AGBL1: variants seen among roughly 807,000 people sequenced by gnomAD.
AGBL1 encodes the protein cytosolic carboxypeptidase 4.
A neutral mutation model predicts 118.9 loss-of-function variants in AGBL1; 130 were observed. The observed-to-expected ratio is 1.09, with a 90% confidence interval of 0.95 to 1.26. The LOEUF (loss-of-function observed/expected upper bound fraction) is 1.26. Ranked by LOEUF, AGBL1 falls within the 50% of genes most tolerant of loss-of-function variation. The pLI, the probability that AGBL1 is intolerant of heterozygous loss-of-function variation, is 0.00. For missense variants in AGBL1, 1,584 were observed against 1,298.1 expected (o/e 1.22, Z -3.38); for synonymous variants, 555 against 478.9 (o/e 1.16, Z -2.08).
At chr15:86,753,224 T>G (rs542407272) in intron 22 of AGBL1, among the ~76,000 whole-genome samples, 1 of 151,864 alleles carries the variant, frequency 6.6e-6, no homozygotes, top group South Asian at 2.1e-4. Flanking sequence ...AGATCCATGG[T>G]TTTTCTGGCT....
chr15:86,517,713 A>G (rs534309488), intron 18 of AGBL1, among the ~76,000 whole-genome samples: 3 of 152,320 alleles, frequency 2.0e-5, no homozygotes, highest in South Asian at 4.2e-4. Context: ...TATCCTGAAC[A>G]TAATAACATG....
intron 22 of AGBL1, among the ~76,000 whole-genome samples, chr15:86,836,704 A>C (rs531834224): frequency 3.6e-4 from 54 of 151,760 alleles, no homozygotes; most frequent in Admixed American, 1.4e-3. Flanking sequence ...CCTCCCCCTC[A>C]CCTTCACCAC....
At position 86,468,894 on chromosome 15, in the gene AGBL1, A is replaced by T. The variant is rs369408238; in HGVS notation, c.2556-53916A>T. Among the ~76,000 whole-genome samples the T allele has an allele frequency of 8.4e-4, 128 of 152,276 alleles. 1 individual carries two copies. Among genetic ancestry groups the T allele is most frequent in the Middle Eastern group, 6.8e-3 (2 of 294 alleles). ...TGCCTCCCCTCTTGGAACCTAAATGAAGTGGGGTAGGCAGAGGGGCCTATG... is the reference window on the plus strand; with the variant it reads ...TGCCTCCCCTCTTGGAACCTAAATGTAGTGGGGTAGGCAGAGGGGCCTATG... On this transcript the variant is annotated intron_variant, in intron 18 of 22. Coordinates refer to ENST00000614907, the MANE Select transcript of AGBL1 (RefSeq NM_001386094.1).
At chr15:86,819,937 A>C (rs1278223510) in intron 22 of AGBL1, among the ~76,000 whole-genome samples, 5 of 152,226 alleles carry the variant, frequency 3.3e-5, no homozygotes, top group Non-Finnish European at 7.3e-5. Flanking sequence ...CTGGTACCAA[A>C]ACAGATATAT....
chr15:86,906,841 A>AC (rs1298579005), intron 22 of AGBL1, among the ~76,000 whole-genome samples: 1 of 152,194 alleles, frequency 6.6e-6, no homozygotes, highest in Non-Finnish European at 1.5e-5. Context: ...GGTTGAGGAC[A>AC]CAGGGGAGTG....
chr15:86,374,128 C>G (rs1244506760), intron 17 of AGBL1, among the ~76,000 whole-genome samples: 1 of 152,090 alleles, frequency 6.6e-6, no homozygotes, highest in East Asian at 1.9e-4. Flanking sequence ...GGTGAAGGTC[C>G]CAGCAATTGT....
At chr15:86,921,319 G>A (rs1239209832) in intron 23 of AGBL1, among the ~76,000 whole-genome samples, 5 of 152,090 alleles carry the variant, frequency 3.3e-5, no homozygotes, top group African/African-American at 4.8e-5. Context: ...GAAAATGGCC[G>A]TCAGAGTTCA....
intron 22 of AGBL1, among the ~76,000 whole-genome samples, chr15:86,753,670 G>T (rs12900785): frequency 5.3e-5 from 8 of 151,866 alleles, no homozygotes; most frequent in Non-Finnish European, 1.0e-4. Flanking sequence ...AGTGCTGGGA[G>T]TACAGGCGTA....
At chr15:86,705,893 C>G (rs2086440955) in intron 22 of AGBL1, among the ~76,000 whole-genome samples, 2 of 151,932 alleles carry the variant, frequency 1.3e-5, no homozygotes, top group South Asian at 4.1e-4. Context: ...ACTATCTTCA[C>G]AAGCAACATG....
intron 18 of AGBL1, among the ~76,000 whole-genome samples, chr15:86,425,185 A>G (rs2081851817): frequency 6.6e-6 from 1 of 152,230 alleles, no homozygotes; most frequent in Non-Finnish European, 1.5e-5. Flanking sequence ...TGTGGCAGAT[A>G]TACACCATGG....
At chr15:86,590,469 A>G (rs73461633) in intron 21 of AGBL1, among the ~76,000 whole-genome samples, 99 of 152,278 alleles carry the variant, frequency 6.5e-4, no homozygotes, top group African/African-American at 2.3e-3. Flanking sequence ...TGCTTCAGCC[A>G]TGATTGTAAG....
At chr15:86,271,835 C>T (rs1263564676) in intron 15 of AGBL1, 129 bp downstream of exon 15, 2 of 851,096 alleles carry the variant, frequency 2.3e-6, no homozygotes, top group Non-Finnish European at 3.8e-6. Flanking sequence ...TCACTCTGTC[C>T]TAATGGCCAG....
intron 18 of AGBL1, among the ~76,000 whole-genome samples, chr15:86,479,898 T>G (rs1436091845): frequency 6.6e-6 from 1 of 152,184 alleles, no homozygotes; most frequent in African/African-American, 2.4e-5. Context: ...TGGAATACTA[T>G]GCAGCCATAA....
intron 17 of AGBL1, among the ~76,000 whole-genome samples, chr15:86,367,715 T>G (rs1002845915): frequency 6.6e-6 from 1 of 152,182 alleles, no homozygotes; most frequent in Non-Finnish European, 1.5e-5. Context: ...TATTTACAAG[T>G]GTGATCTCAG....
chr15:86,106,611 T>C (rs969347152), intron 1 of AGBL1, among the ~76,000 whole-genome samples: 1 of 152,230 alleles, frequency 6.6e-6, no homozygotes, highest in Non-Finnish European at 1.5e-5. Flanking sequence ...TGTCTTAAAA[T>C]GGACAGAACA....
chr15:86,115,918 T>C (rs1309740765), intron 1 of AGBL1, among the ~76,000 whole-genome samples: 2 of 152,198 alleles, frequency 1.3e-5, no homozygotes, highest in Non-Finnish European at 2.9e-5. Context: ...TAATTATTAG[T>C]AGGGCTCATT....
intron 24 of AGBL1, among the ~76,000 whole-genome samples, chr15:87,012,432 G>A (rs1158875410): frequency 6.6e-6 from 1 of 152,006 alleles, no homozygotes; most frequent in Non-Finnish European, 1.5e-5. Flanking sequence ...TGAATATATG[G>A]TTCGAATATA....
intron 17 of AGBL1, among the ~76,000 whole-genome samples, chr15:86,300,927 T>G (rs1035135988): frequency 2.6e-5 from 4 of 152,192 alleles, no homozygotes; most frequent in Admixed American, 2.6e-4. Context: ...GGCACCTGCC[T>G]TGGGTTGGGA....
intron 6 of AGBL1, among the ~76,000 whole-genome samples, chr15:86,242,962 T>G (rs935857486): frequency 6.6e-6 from 1 of 152,298 alleles, no homozygotes; most frequent in South Asian, 2.1e-4. Flanking sequence ...ATAAAGATGG[T>G]TGGGATCTCC....
Sources: gnomAD v4.1 joint callset for allele counts (sites outside exome capture counted in the v4.1 genomes callset) on GRCh38, gnomAD v4.1.1 for gene constraint, MANE v1.5 for transcripts, NCBI Gene and HGNC (gene_info 2026-07-23, HGNC 2026-07-21) for gene names.